The following CEP112 variants were observed in gnomAD, a reference collection of about 807,000 sequenced individuals.
CEP112 encodes the protein centrosomal protein of 112 kDa.
CEP112 carries 127 observed loss-of-function variants against 153.0 expected under a neutral mutation model. The ratio of observed to expected loss-of-function variants is 0.83; its 90% CI spans 0.72 to 0.96. The LOEUF is 0.96. Ranked by LOEUF, CEP112 falls within the 40% of genes least tolerant of loss-of-function variation. CEP112 has a pLI of 0.00. For synonymous variants in CEP112, 358 were observed against 374.4 expected, an observed-to-expected ratio of 0.96 and a Z score of 0.51; for missense variants, 1,089 against 1,101.2, an observed-to-expected ratio of 0.99 and a Z score of 0.16.
At chr17:65,755,433 G>A (rs1203542826) in intron 21 of CEP112, among the ~76,000 whole-genome samples, 1 of 152,052 alleles carries the variant, frequency 6.6e-6, no homozygotes, top group African/African-American at 2.4e-5. Context: ...CCAACACTGG[G>A]GATTACAATT....
intron 20 of CEP112, among the ~76,000 whole-genome samples, chr17:65,891,219 T>A (rs1181461615): frequency 6.6e-6 from 1 of 152,146 alleles, no homozygotes. Flanking sequence ...AGCCAGTAAA[T>A]GATAGAGACT....
At chr17:66,017,356 G>C (rs777674365) in intron 16 of CEP112, among the ~76,000 whole-genome samples, 23 of 152,080 alleles carry the variant, frequency 1.5e-4, no homozygotes, top group Non-Finnish European at 2.6e-4. Context: ...GAAATTATCT[G>C]GGTGGGAAAA....
intron 10 of CEP112, among the ~76,000 whole-genome samples, chr17:66,063,559 G>C (rs988564345): frequency 8.5e-5 from 13 of 152,068 alleles, no homozygotes; most frequent in Non-Finnish European, 1.3e-4. Context: ...TACATTACTT[G>C]GGTGATGGGT....
At chr17:65,898,695 T>G (rs1335749182) in intron 20 of CEP112, among the ~76,000 whole-genome samples, 1 of 152,182 alleles carries the variant, frequency 6.6e-6, no homozygotes, top group Non-Finnish European at 1.5e-5. Flanking sequence ...CAGATATGGC[T>G]GATGACCTTC....
At chr17:65,929,566 A>G (rs2061049358) in intron 18 of CEP112, among the ~76,000 whole-genome samples, 1 of 152,200 alleles carries the variant, frequency 6.6e-6, no homozygotes, top group Non-Finnish European at 1.5e-5. Context: ...ATCCCTGCTT[A>G]GCTACCCTTT....
At chr17:65,907,991 A>G (rs1008535803) in intron 19 of CEP112, among the ~76,000 whole-genome samples, 2 of 152,156 alleles carry the variant, frequency 1.3e-5, no homozygotes, top group Non-Finnish European at 2.9e-5. Flanking sequence ...GAACCCACAA[A>G]ATGAATATTA....
intron 24 of CEP112, among the ~76,000 whole-genome samples, chr17:65,648,790 C>T (rs2045578153): frequency 1.3e-5 from 2 of 152,238 alleles, no homozygotes; most frequent in Middle Eastern, 3.4e-3. Flanking sequence ...CTGGCTCATG[C>T]CTGTAATCCC....
chr17:65,759,952 T>G (rs1040414910), intron 21 of CEP112, among the ~76,000 whole-genome samples: 1 of 152,180 alleles, frequency 6.6e-6, no homozygotes, highest in Non-Finnish European at 1.5e-5. Flanking sequence ...AAAAAAATCA[T>G]GAAGTTGAAC....
intron 15 of CEP112, among the ~76,000 whole-genome samples, chr17:66,027,917 A>C (rs2065286928): frequency 6.6e-6 from 1 of 152,062 alleles, no homozygotes; most frequent in Admixed American, 6.6e-5. Flanking sequence ...ATCACGAGAG[A>C]AAAGAGATCT....
Position 66,176,964 on chromosome 17 carries a change from C to T in CEP112, c.163G>A (p.Ala55Thr), listed in dbSNP as rs1235599193. 1 of 1,613,760 alleles carries T rather than the reference C, an allele frequency of 6.2e-7. No homozygotes were observed. The highest frequency in any genetic ancestry group is 2.2e-5 in the East Asian group (1 of 44,882). Residue 55 changes from alanine to threonine, a missense_variant, in exon 3 of 27, where the codon GCA (alanine) becomes ACA (threonine). Physicochemically the swap from Ala to Thr is moderately conservative, Grantham distance 58. Transcript: ENST00000535342. ...CGATTCTTCCTCCCCATTATTCCTG[C>T]ACCTGTTCCTGAAGGTTCGCACAGC... ...RKLCEPSGTG[A>T]GIMGRKNRNL...
intron 21 of CEP112, among the ~76,000 whole-genome samples, chr17:65,754,158 T>C (rs1325172231): frequency 1.3e-5 from 2 of 152,178 alleles, no homozygotes; most frequent in African/African-American, 2.4e-5. Context: ...ACTTTATAAT[T>C]TTAAAAATAC....
chr17:66,168,369 A>T (rs370563307), intron 4 of CEP112, among the ~76,000 whole-genome samples: 1 of 151,952 alleles, frequency 6.6e-6, no homozygotes, highest in South Asian at 2.1e-4. Flanking sequence ...AGATCTTGCC[A>T]TAATAACCTA....
At chr17:66,070,279 G>T (rs778419700) in intron 8 of CEP112, among the ~76,000 whole-genome samples, 1 of 151,952 alleles carries the variant, frequency 6.6e-6, no homozygotes, top group Admixed American at 6.6e-5. Context: ...ATTCTCTCCC[G>T]CACAAAAGAG....
At chr17:65,917,625 A>C (rs2060542587) in intron 19 of CEP112, among the ~76,000 whole-genome samples, 2 of 152,236 alleles carry the variant, frequency 1.3e-5, no homozygotes, top group Middle Eastern at 3.4e-3. Flanking sequence ...TGACAAAGAA[A>C]AACCTCAGTA....
In CEP112 at chr17:65,688,987, C is replaced by T. The variant is rs150308275; in HGVS notation, c.2697+142G>A. On this transcript the variant is annotated intron_variant, in intron 24 of 26. Transcript: ENST00000535342. Reference sequence around the variant, plus strand: ...TTCACCATGTTGGCCAGGCTAGTCTCGAACTCCTAACTTCAGGTGATCCAC... The same window carrying T: ...TTCACCATGTTGGCCAGGCTAGTCTTGAACTCCTAACTTCAGGTGATCCAC... 5.2e-4 allele frequency: 295 copies of T among 570,144 alleles called. No individual in the cohort carries two copies. The East Asian group carries it at 7.7e-3, about 15-fold the overall frequency. 35.3% of individuals were successfully genotyped at this position (570,144 alleles called of 1,614,324 possible).
At chr17:66,066,678 A>G in intron 10 of CEP112, 100 bp downstream of exon 10, 1 of 759,216 alleles carries the variant, frequency 1.3e-6, no homozygotes, top group Non-Finnish European at 2.0e-6. Flanking sequence ...AAACATTCCT[A>G]TCTCATACTA....
chr17:65,688,627 G>A (rs62063566), intron 24 of CEP112: 414 of 154,766 alleles, frequency 2.7e-3, no homozygotes, highest in Non-Finnish European at 4.4e-3. Flanking sequence ...AGCCAGCACC[G>A]GAGGGAGAGT....
At chr17:65,880,943 G>T (rs953643988) in intron 20 of CEP112, among the ~76,000 whole-genome samples, 2 of 152,152 alleles carry the variant, frequency 1.3e-5, no homozygotes, top group African/African-American at 4.8e-5. Context: ...TGGGCCAGGT[G>T]TGGTGGCTCA....
At chr17:66,037,154 C>A (rs927881016) in intron 12 of CEP112, among the ~76,000 whole-genome samples, 8 of 152,028 alleles carry the variant, frequency 5.3e-5, no homozygotes, top group African/African-American at 1.7e-4. Context: ...TAAAATGTCT[C>A]CTAAATATGT....
Sources: gnomAD v4.1 joint callset for allele counts (sites outside exome capture counted in the v4.1 genomes callset) on GRCh38, gnomAD v4.1.1 for gene constraint, MANE v1.5 for transcripts, NCBI Gene and HGNC (gene_info 2026-07-23, HGNC 2026-07-21) for gene names.